TTC8: variants seen among roughly 807,000 people sequenced by gnomAD.
The protein encoded by TTC8 is tetratricopeptide repeat protein 8.
Under a neutral mutation model 72.5 loss-of-function variants are expected in TTC8, and 47 were observed. That is an observed-to-expected ratio of 0.65 (90% CI 0.51 to 0.83). TTC8 has a LOEUF of 0.83. Ranked by LOEUF, TTC8 falls within the 40% of genes least tolerant of loss-of-function variation. The pLI is 0.00. For missense variants in TTC8, 611 were observed against 623.2 expected (o/e 0.98, Z 0.21); for synonymous variants, 199 against 221.4 (o/e 0.90, Z 0.90).
chr14:88,840,356 C>T (rs1189879455), intron 3 of TTC8: 1 of 160,058 alleles, frequency 6.2e-6, no homozygotes, highest in African/African-American at 2.4e-5. Flanking sequence ...AAGGTAATAG[C>T]TATTTTAAAC....
chr14:88,834,018 G>T, intron 2 of TTC8: 1 of 416,506 alleles, frequency 2.4e-6, no homozygotes, highest in Non-Finnish European at 4.4e-6. Context: ...AGGAGGTGAG[G>T]GGAACCAAGG....
chr14:88,875,164 T>C, intron 14 of TTC8, 55 bp downstream of exon 14: 1 of 1,482,538 alleles, frequency 6.7e-7, no homozygotes, highest in South Asian at 1.2e-5. Context: ...TTTTCTTTGT[T>C]TTAAAAAAAG....
At chr14:88,857,071 G>A (rs1332181461) in intron 8 of TTC8, 119 bp from the exon 9 acceptor site, 11 of 880,286 alleles carry the variant, frequency 1.2e-5, no homozygotes, top group Non-Finnish European at 1.9e-5. Flanking sequence ...ATGTGTATGT[G>A]CAACATTACC....
At chr14:88,870,315 A>G in intron 11 of TTC8, 117 bp downstream of exon 11, 1 of 1,109,840 alleles carries the variant, frequency 9.0e-7, no homozygotes, top group African/African-American at 1.5e-5. Context: ...TATGAAACTC[A>G]AATGTCAACA....
At position 88,824,715 on chromosome 14, in the gene TTC8, C is replaced by G. The variant is rs752229926; in HGVS notation, c.8C>G (p.Ser3Trp). 2.5e-6 allele frequency: 4 copies of G among 1,607,880 alleles called. No individual in the cohort carries two copies. The South Asian group carries it at 3.3e-5, about 13-fold the overall frequency. The stretch of plus-strand genomic sequence containing the variant: ...CTGGCCGCACCGGCAGCCATGAGCT[C>G]GGAGATGGAGCCGCTGCTCCTGGCC... MSSEMEPLLLAWS... is the reference protein window; with the variant it reads MSWEMEPLLLAWS... Residue 3 changes from serine (S) to tryptophan (W), a missense_variant, in exon 1 of 15, where the codon TCG (serine) becomes TGG (tryptophan). Physicochemically the swap from Ser to Trp is radical, Grantham distance 177. Transcript: ENST00000380656.
chr14:88,850,349 T>A (rs1432467160), intron 7 of TTC8, among the ~76,000 whole-genome samples: 3 of 152,134 alleles, frequency 2.0e-5, no homozygotes, highest in Admixed American at 2.0e-4. Flanking sequence ...AGCACAGATG[T>A]AAAAGAGGAT....
At chr14:88,835,938 A>T (rs1336742299) in intron 2 of TTC8, among the ~76,000 whole-genome samples, 2 of 152,148 alleles carry the variant, frequency 1.3e-5, no homozygotes, top group Admixed American at 1.3e-4. Flanking sequence ...GTTCTTTGAA[A>T]ACAGTCTGAT....
chr14:88,871,094 GAC>G lies in TTC8; in HGVS notation c.1050-451_1050-450del, dbSNP rs2094931788. 6.6e-6 allele frequency among the ~76,000 whole-genome samples: 1 copy of G among 152,210 alleles called. No individual in the cohort carries two copies. The highest frequency in any genetic ancestry group is 6.5e-5 in the Admixed American group (1 of 15,282). On this transcript the variant is annotated intron_variant, in intron 11 of 14. Transcript: ENST00000380656. This position sits in a 1 kb window ranked among gnomAD's most constrained non-coding sequence, Gnocchi z 4.1. ...AGTGGAAGCTCATTGGAGTTCAGTA[GAC>G]ACAGCTGAAGCACAAAGTACAGCGA...
At chr14:88,872,984 G>A (rs2094941681) in intron 13 of TTC8, among the ~76,000 whole-genome samples, 1 of 152,120 alleles carries the variant, frequency 6.6e-6, no homozygotes, top group African/African-American at 2.4e-5. Context: ...ACTTACATCA[G>A]CAAGTCAGTG....
rs10553603 is a variant in TTC8 at position 88,866,382 on chromosome 14, A to AACACACAC, written c.910-3652_910-3645dup. Among the ~76,000 whole-genome samples the AACACACAC allele has an allele frequency of 3.4e-3, 495 of 146,662 alleles. 5 individuals are homozygous for AACACACAC. Among genetic ancestry groups the AACACACAC allele is most frequent in the African/African-American group, 0.011 (460 of 40,286 alleles). ...AAAATTGCTGAAAATGGGAGATTTA[A>AACACACAC]ACACACACACACACACACACACACA... On this transcript the variant is annotated intron_variant, in intron 10 of 14. Coordinates refer to ENST00000380656, the MANE Select transcript of TTC8 (RefSeq NM_144596.4).
At chr14:88,824,306 A>G (rs1566826060), upstream of TTC8, 1 of 195,454 alleles carries the variant, frequency 5.1e-6, no homozygotes, top group Non-Finnish European at 1.1e-5. Flanking sequence ...AGTAGGACAG[A>G]CACCAGACAG....
downstream of TTC8, chr14:88,879,648 CTACATTATTATTATTATT>C (rs1168665764): frequency 7.7e-6 from 1 of 129,420 alleles, no homozygotes. Context: ...TAACGTGTCA[CTACATTATTATTATTATT>C]ATTATTATTA....
rs56408640 is a variant in TTC8 at position 88,839,093 on chromosome 14, A to G, written c.145-359A>G. Among the ~76,000 whole-genome samples, 928 of 152,310 alleles carry G rather than the reference A, an allele frequency of 6.1e-3. 18 individuals are homozygous for G. Among genetic ancestry groups the G allele is most frequent in the African/African-American group, 0.021 (872 of 41,574 alleles). ...ATAATAAAGGACTTGACCTTGAAGGAGGAAGGCAGAAAGAACAATGTGGTT... is the reference window on the plus strand; with the variant it reads ...ATAATAAAGGACTTGACCTTGAAGGGGGAAGGCAGAAAGAACAATGTGGTT... On this transcript the variant is annotated intron_variant, in intron 2 of 14. Coordinates refer to ENST00000380656, the MANE Select transcript of TTC8 (RefSeq NM_144596.4).
intron 10 of TTC8, among the ~76,000 whole-genome samples, chr14:88,865,593 A>T (rs1689983770): frequency 2.0e-5 from 3 of 152,164 alleles, no homozygotes; most frequent in Non-Finnish European, 4.4e-5. Context: ...GCTTGAACCC[A>T]GGAGGCAGAG....
chr14:88,827,670 C>A (rs1288917040), intron 1 of TTC8, among the ~76,000 whole-genome samples: 1 of 152,154 alleles, frequency 6.6e-6, no homozygotes, highest in East Asian at 1.9e-4. Flanking sequence ...TTTTTCGTAA[C>A]ACCAGTTTCT....
chr14:88,828,869 A>T (rs1327059001), intron 1 of TTC8, among the ~76,000 whole-genome samples: 4 of 152,176 alleles, frequency 2.6e-5, no homozygotes, highest in Admixed American at 2.0e-4. Context: ...AATCATCAAA[A>T]GTCTTTAATT....
At position 88,877,373 on chromosome 14, in the gene TTC8, T is replaced by A. The variant is rs777175990; in HGVS notation, c.1511T>A (p.Leu504Ter). The A allele has an allele frequency of 5.0e-6, 8 of 1,613,830 alleles. No homozygotes were observed. The highest frequency in any genetic ancestry group is 6.8e-6 in the Non-Finnish European group (8 of 1,179,786). ...AFPDHVDTQH[L>*]IKQLRQHFAM... is the part of the protein sequence containing the mutation. ...CCAGACCATGTGGACACACAACATTTAATTAAACAATTAAGGCAGCATTTT... is the reference window on the plus strand; with the variant it reads ...CCAGACCATGTGGACACACAACATTAAATTAAACAATTAAGGCAGCATTTT... The change falls in exon 15 of 15, where the codon TTA becomes TAA. Residue 504 changes from leucine to a stop codon, truncating the protein, a stop_gained. Transcript: ENST00000380656. LOFTEE classifies it high-confidence loss of function.
chr14:88,840,818 A>G (rs1385862180), intron 3 of TTC8, 47 bp from the exon 4 acceptor site: 2 of 1,580,204 alleles, frequency 1.3e-6, no homozygotes, highest in Non-Finnish European at 1.7e-6. Flanking sequence ...CAGTTTTTAC[A>G]GATTAATAGA....
intron 8 of TTC8, among the ~76,000 whole-genome samples, chr14:88,856,339 G>A (rs2094855995): frequency 6.6e-6 from 1 of 152,106 alleles, no homozygotes; most frequent in Non-Finnish European, 1.5e-5. Flanking sequence ...AATGATCAAA[G>A]GTCTTCTTTC....
Sources: allele counts gnomAD v4.1 joint callset (sites outside exome capture counted in the v4.1 genomes callset), GRCh38; gene constraint gnomAD v4.1.1; non-coding constraint Gnocchi (gnomAD v3.1); transcripts MANE v1.5; gene names NCBI Gene and HGNC (gene_info 2026-07-23, HGNC 2026-07-21).